The following PTGR1 variants were observed in gnomAD, a reference collection of about 807,000 sequenced individuals.
The protein encoded by PTGR1 is 15-oxoprostaglandin 13-reductase.
In PTGR1, 23 loss-of-function variants were observed where a neutral mutation model predicts 37.7. The ratio of observed to expected loss-of-function variants is 0.61; its 90% confidence interval spans 0.44 to 0.86. The LOEUF is 0.86. PTGR1 is among the 40% of genes least tolerant of loss of function. PTGR1 has a pLI of 0.00. For synonymous variants in PTGR1, 134 were observed against 140.0 expected, an observed-to-expected ratio of 0.96 and a Z score of 0.30; for missense variants, 351 against 394.3, an observed-to-expected ratio of 0.89 and a Z score of 0.93.
In PTGR1 at chr9:111,586,036, T is replaced by C. The variant is rs538393435; in HGVS notation, c.339A>G (p.Ile113Met). 7 of 1,614,216 alleles carry C rather than the reference T, an allele frequency of 4.3e-6. No individual in the cohort carries two copies. The African/African-American group carries it at 6.7e-5, about 15-fold the overall frequency. Residue 113 changes from isoleucine (I) to methionine (M), a missense_variant, in exon 5 of 10, where the codon ATA becomes ATG. Ile to Met is a conservative substitution (Grantham distance 10). Coordinates refer to ENST00000407693, the MANE Select transcript of PTGR1 (RefSeq NM_001146108.2). Reference sequence around the variant, plus strand: ...CTGTCCCCAGAGCCAAAGACAGTGGTATTGTGTCTGGCCACTCTGTCAGCA... The same window carrying C: ...CTGTCCCCAGAGCCAAAGACAGTGGCATTGTGTCTGGCCACTCTGTCAGCA... ...EKLLTEWPDTIPLSLALGTVG... is the reference protein window; with the variant it reads ...EKLLTEWPDTMPLSLALGTVG...
chr9:111,576,192 AAAC>A (rs2046808029), intron 7 of PTGR1, among the ~76,000 whole-genome samples: 1 of 152,122 alleles, frequency 6.6e-6, no homozygotes, highest in Non-Finnish European at 1.5e-5. Context: ...GCAAAAACAA[AAAC>A]AGAAAGAAGG....
chr9:111,561,183 G>GAGAGAGAGAA (rs1564608271), downstream of PTGR1, among the ~76,000 whole-genome samples: 1 of 130,680 alleles, frequency 7.7e-6, no homozygotes, highest in African/African-American at 3.0e-5. Flanking sequence ...GAGAGAAAGA[G>GAGAGAGAGAA]AGAGAGATTC....
chr9:111,599,186 C>G (rs925655526), intron 1 of PTGR1, among the ~76,000 whole-genome samples: 2 of 152,136 alleles, frequency 1.3e-5, no homozygotes, highest in East Asian at 3.9e-4. Flanking sequence ...GGCCTTTGCC[C>G]GCTCGCCCTT....
intron 7 of PTGR1, 69 bp from the exon 8 acceptor site, chr9:111,574,911 A>C: frequency 7.9e-7 from 1 of 1,267,536 alleles, no homozygotes; most frequent in Non-Finnish European, 1.1e-6. Context: ...TCATTAAGTC[A>C]CAAGCATTAT....
At chr9:111,590,809 T>C (rs947232745) in intron 4 of PTGR1, among the ~76,000 whole-genome samples, 4 of 152,308 alleles carry the variant, frequency 2.6e-5, no homozygotes, top group African/African-American at 7.2e-5. Flanking sequence ...CACGTATACA[T>C]ACATACATGC....
chr9:111,572,349 C>T (rs1828854702), intron 8 of PTGR1, among the ~76,000 whole-genome samples: 2 of 152,082 alleles, frequency 1.3e-5, no homozygotes, highest in Admixed American at 6.5e-5. Context: ...AATCCCAGCA[C>T]TTTGGAAGAC....
intron 4 of PTGR1, chr9:111,592,703 T>G: frequency 1.9e-6 from 1 of 526,510 alleles, no homozygotes; most frequent in Non-Finnish European, 3.1e-6. Flanking sequence ...TAATTAAAAG[T>G]AAGGATGGCA....
At chr9:111,589,338 T>C in intron 4 of PTGR1, 2 of 873,586 alleles carry the variant, frequency 2.3e-6, no homozygotes, top group Non-Finnish European at 2.7e-6. Flanking sequence ...GAAATTCCAG[T>C]AAAGATCCAT....
At chr9:111,571,414 GAAAA>G (rs1009515343) in intron 8 of PTGR1, among the ~76,000 whole-genome samples, 3 of 149,238 alleles carry the variant, frequency 2.0e-5, no homozygotes, top group African/African-American at 7.3e-5. Context: ...GTTTCAAAAA[GAAAA>G]AAAGAAGTAA....
chr9:111,556,254 G>C (rs1305914605), intron 9 of PTGR1, among the ~76,000 whole-genome samples: 2 of 152,220 alleles, frequency 1.3e-5, no homozygotes, highest in African/African-American at 4.8e-5. Flanking sequence ...CTAAGGTCTT[G>C]GGCACCTCTG....
chr9:111,564,275 CTTTTATTA>C (rs1232366319), intron 9 of PTGR1: 1 of 692,846 alleles, frequency 1.4e-6, no homozygotes. Flanking sequence ...GAAATTTAAA[CTTTTATTA>C]TTATTATTAT....
intron 9 of PTGR1, among the ~76,000 whole-genome samples, chr9:111,552,753 C>T (rs1300156588): frequency 6.6e-6 from 1 of 152,080 alleles, no homozygotes; most frequent in Non-Finnish European, 1.5e-5. Context: ...AAGAAAAATA[C>T]TTGAAATTTT....
chr9:111,575,023 G>A lies in PTGR1; in HGVS notation c.652-181C>T, dbSNP rs998717788. On this transcript the variant is annotated intron_variant, in intron 7 of 9. Coordinates refer to ENST00000407693, the MANE Select transcript of PTGR1 (RefSeq NM_001146108.2). ...ACATTAGAAACAGGCATTTTCGGCC[G>A]GGCACGGTGGCTTACACCTGTAATC... is the stretch of plus-strand genomic sequence containing the variant. 1.2e-4 allele frequency among the ~76,000 whole-genome samples: 18 copies of A among 152,148 alleles called. 1 individual carries two copies. Among genetic ancestry groups the A allele is most frequent in the East Asian group, 1.9e-4 (1 of 5,202 alleles).
intron 3 of PTGR1, among the ~76,000 whole-genome samples, chr9:111,593,311 A>G (rs538363503): frequency 3.9e-5 from 6 of 152,368 alleles, no homozygotes; most frequent in Non-Finnish European, 7.3e-5. Context: ...CCCAGGCACC[A>G]CTGGGTAGTT....
chr9:111,576,607 T>C (rs1455226126), intron 7 of PTGR1: 3 of 584,034 alleles, frequency 5.1e-6, no homozygotes, highest in Admixed American at 3.3e-5. Flanking sequence ...TTGTCTTTCA[T>C]AAAATAAAAG....
At chr9:111,581,083 G>C (rs1829267335) in intron 6 of PTGR1, among the ~76,000 whole-genome samples, 1 of 152,232 alleles carries the variant, frequency 6.6e-6, no homozygotes. Flanking sequence ...AACAAGTGCA[G>C]GTTATGGGGA....
At chr9:111,571,698 G>T (rs1828829965) in intron 8 of PTGR1, among the ~76,000 whole-genome samples, 1 of 152,028 alleles carries the variant, frequency 6.6e-6, no homozygotes, top group Non-Finnish European at 1.5e-5. Flanking sequence ...TGTCAGAGAT[G>T]AGGTCTTACT....
chr9:111,551,407 T>G (rs796979134), intron 9 of PTGR1, among the ~76,000 whole-genome samples: 33 of 136,746 alleles, frequency 2.4e-4, no homozygotes, highest in African/African-American at 5.0e-4. Context: ...TTTGTTTTTT[T>G]TTTTTTTTTT....
chr9:111,556,813 T>C (rs561056584), intron 9 of PTGR1, among the ~76,000 whole-genome samples: 24 of 152,316 alleles, frequency 1.6e-4, no homozygotes, highest in African/African-American at 5.8e-4. Flanking sequence ...CCTTCTGCCA[T>C]GATTGTAAGT....
Sources: allele counts gnomAD v4.1 joint callset (sites outside exome capture counted in the v4.1 genomes callset), GRCh38; gene constraint gnomAD v4.1.1; transcripts MANE v1.5; gene names NCBI Gene and HGNC (gene_info 2026-07-23, HGNC 2026-07-21).